The following FTO variants were observed in gnomAD, a reference collection of about 807,000 sequenced individuals.
FTO encodes the protein FTO alpha-ketoglutarate dependent dioxygenase.
In FTO, 47 loss-of-function variants were observed where a neutral mutation model predicts 63.9. The observed-to-expected ratio is 0.74, with a 90% CI of 0.58 to 0.94. The LOEUF (loss-of-function observed/expected upper bound fraction) is 0.94. FTO is among the 40% of genes least tolerant of loss of function. The pLI, the probability that FTO is intolerant of heterozygous loss-of-function variation, is 0.00. For missense variants in FTO, 562 were observed against 618.1 expected, an observed-to-expected ratio of 0.91 and a Z score of 0.96; for synonymous variants, 207 against 224.4, an observed-to-expected ratio of 0.92 and a Z score of 0.69.
At chr16:53,839,489 C>G (rs1295809058) in intron 3 of FTO, among the ~76,000 whole-genome samples, 2 of 152,154 alleles carry the variant, frequency 1.3e-5, no homozygotes, top group African/African-American at 4.8e-5. Flanking sequence ...GGGAAAAACT[C>G]TCACCAAACT....
At chr16:53,775,945 G>A (rs78858589) in intron 1 of FTO, among the ~76,000 whole-genome samples, 24 of 151,824 alleles carry the variant, frequency 1.6e-4, no homozygotes, top group East Asian at 3.9e-4. Flanking sequence ...TTTTTATGTC[G>A]ACAATGTAAA....
At chr16:53,854,274 G>T (rs1314871426) in intron 4 of FTO, among the ~76,000 whole-genome samples, 1 of 152,034 alleles carries the variant, frequency 6.6e-6, no homozygotes, top group Non-Finnish European at 1.5e-5. Context: ...TGTTTACTCT[G>T]ATAATTATTT....
At chr16:53,942,008 C>G (rs2082541544) in intron 8 of FTO, among the ~76,000 whole-genome samples, 1 of 152,220 alleles carries the variant, frequency 6.6e-6, no homozygotes, top group Non-Finnish European at 1.5e-5. Context: ...CCTTTCCTCT[C>G]AATCTATTCC....
At chr16:53,839,836 C>T (rs961271547) in intron 3 of FTO, among the ~76,000 whole-genome samples, 1 of 149,286 alleles carries the variant, frequency 6.7e-6, no homozygotes, top group African/African-American at 2.5e-5. Context: ...GGTGCAGTGT[C>T]ACTATGTCAC....
At position 53,810,189 on chromosome 16, in the gene FTO, C is replaced by A; in HGVS notation, c.95C>A (p.Thr32Asn). 6.2e-7 allele frequency: 1 copy of A among 1,609,762 alleles called. No homozygotes were observed. Among genetic ancestry groups the A allele is most frequent in the Non-Finnish European group, 8.5e-7 (1 of 1,176,628 alleles). Reference protein sequence around the residue: ...ELEDTWLPYLTPKDDEFYQQW... With the variant: ...ELEDTWLPYLNPKDDEFYQQW... ...GAAGACACTTGGCTCCCTTATCTGA[C>A]CCCCAAAGATGATGAATTCTATCAG... is the stretch of plus-strand genomic sequence containing the variant. The change falls in exon 2 of 9, where the codon ACC becomes AAC. Residue 32 changes from threonine to asparagine, a missense_variant. Transcript: ENST00000471389.
chr16:53,909,494 A>C (rs2081626139), intron 7 of FTO, among the ~76,000 whole-genome samples: 1 of 141,240 alleles, frequency 7.1e-6, no homozygotes, highest in African/African-American at 2.6e-5. Flanking sequence ...TAACAGGCAG[A>C]GATTTGGTGG....
chr16:53,855,587 C>T (rs2079964816), intron 4 of FTO, among the ~76,000 whole-genome samples: 1 of 151,710 alleles, frequency 6.6e-6, no homozygotes, highest in Middle Eastern at 3.2e-3. Context: ...GTTATACAAG[C>T]AAAAGGAAGT....
chr16:54,059,155 G>A (rs1294057824), intron 8 of FTO, among the ~76,000 whole-genome samples: 1 of 152,140 alleles, frequency 6.6e-6, no homozygotes, highest in East Asian at 1.9e-4. Context: ...GATTGCCCTG[G>A]GCCACAGTGG....
chr16:54,002,405 G>A (rs2084088806), intron 8 of FTO, among the ~76,000 whole-genome samples: 1 of 152,178 alleles, frequency 6.6e-6, no homozygotes. Context: ...CTCCTCCTAG[G>A]CACCTGATAC....
At chr16:53,780,213 C>T (rs1181010360) in intron 1 of FTO, among the ~76,000 whole-genome samples, 2 of 152,228 alleles carry the variant, frequency 1.3e-5, no homozygotes, top group African/African-American at 4.8e-5. Flanking sequence ...CACTGTGCTC[C>T]AGACTCACTG....
intron 8 of FTO, chr16:54,052,549 C>T (rs2085336502): frequency 6.6e-6 from 1 of 152,164 alleles, no homozygotes; most frequent in African/African-American, 2.4e-5. Context: ...TCACTGATTA[C>T]CTGGCTGAAG....
At chr16:53,862,451 T>C (rs568483903) in intron 4 of FTO, among the ~76,000 whole-genome samples, 3 of 152,192 alleles carry the variant, frequency 2.0e-5, no homozygotes, top group Non-Finnish European at 4.4e-5. Flanking sequence ...CTCAACCATT[T>C]TATAGTGCAG....
At chr16:54,013,396 A>G (rs2084370922) in intron 8 of FTO, 1 of 150,574 alleles carries the variant, frequency 6.6e-6, no homozygotes, top group African/African-American at 2.4e-5. Context: ...CTTGGTGAAG[A>G]TACTGTGAAC....
chr16:54,052,917 G>A (rs150054859), intron 8 of FTO, among the ~76,000 whole-genome samples: 2,369 of 152,126 alleles, frequency 0.016, 29 homozygotes, highest in Admixed American at 0.027. Flanking sequence ...GGCCAGGCTG[G>A]TCTCGAACTC....
intron 4 of FTO, among the ~76,000 whole-genome samples, chr16:53,870,490 C>T (rs1267774027): frequency 6.6e-6 from 1 of 152,200 alleles, no homozygotes; most frequent in Non-Finnish European, 1.5e-5. Flanking sequence ...GTTTTTTACT[C>T]TGATAAATTG....
At chr16:53,971,008 G>A (rs545470023) in intron 8 of FTO, among the ~76,000 whole-genome samples, 2 of 152,202 alleles carry the variant, frequency 1.3e-5, no homozygotes, top group African/African-American at 4.8e-5. Flanking sequence ...GTTTCCCTTT[G>A]GGTCTTTATT....
intron 1 of FTO, among the ~76,000 whole-genome samples, chr16:53,778,505 C>T (rs149162439): frequency 5.9e-5 from 9 of 152,164 alleles, no homozygotes; most frequent in African/African-American, 2.2e-4. Context: ...AATGTCCACA[C>T]GGTGAAAAAA....
chr16:53,847,745 G>A (rs1450998336), intron 4 of FTO, among the ~76,000 whole-genome samples: 1 of 151,360 alleles, frequency 6.6e-6, no homozygotes, highest in African/African-American at 2.4e-5. Context: ...TCCAGTCTGG[G>A]CAAGAAGAGG....
intron 7 of FTO, among the ~76,000 whole-genome samples, chr16:53,898,264 T>A (rs1310985866): frequency 4.6e-5 from 7 of 152,066 alleles, no homozygotes; most frequent in Admixed American, 4.6e-4. Flanking sequence ...CCCAGCCCAC[T>A]CTTGCCCAGG....
Sources: allele counts gnomAD v4.1 joint callset (sites outside exome capture counted in the v4.1 genomes callset), GRCh38; gene constraint gnomAD v4.1.1; transcripts MANE v1.5; gene names NCBI Gene and HGNC (gene_info 2026-07-23, HGNC 2026-07-21).